Variants in ADGRL2 observed in about 807,000 individuals in gnomAD.
The protein encoded by ADGRL2 is adhesion G protein-coupled receptor L2.
ADGRL2 carries 44 observed loss-of-function variants against 157.4 expected under a neutral mutation model. The ratio of observed to expected loss-of-function variants is 0.28; its 90% confidence interval spans 0.22 to 0.36. ADGRL2 has a LOEUF of 0.36. ADGRL2 is among the 10% of genes least tolerant of loss of function. The probability of loss-of-function intolerance (pLI) is 1.00; values close to 1 mark genes in which losing one functional copy is unlikely to be tolerated. For missense variants in ADGRL2, 1,510 were observed against 1,768.9 expected, an observed-to-expected ratio of 0.85 and a Z score of 2.63; for synonymous variants, 585 against 624.7, an observed-to-expected ratio of 0.94 and a Z score of 0.95.
chr1:81,971,619 G>T (rs775945921), intron 16 of ADGRL2, among the ~76,000 whole-genome samples: 2 of 152,122 alleles, frequency 1.3e-5, no homozygotes, highest in Non-Finnish European at 2.9e-5. Context: ...ATACAAGCAC[G>T]ATTTTGTATG....
chr1:81,903,370 G>A (rs1159201398), intron 2 of ADGRL2, among the ~76,000 whole-genome samples: 1 of 152,044 alleles, frequency 6.6e-6, no homozygotes, highest in East Asian at 1.9e-4. Flanking sequence ...CAGATTGTAT[G>A]AAGACTTATA....
At chr1:81,880,200 C>A (rs2093951041) in intron 2 of ADGRL2, among the ~76,000 whole-genome samples, 1 of 152,092 alleles carries the variant, frequency 6.6e-6, no homozygotes, top group South Asian at 2.1e-4. Context: ...CCTATAAGAG[C>A]CCTTATTGGA....
intron 2 of ADGRL2, among the ~76,000 whole-genome samples, chr1:81,878,298 G>A (rs974405605): frequency 5.3e-5 from 8 of 152,076 alleles, no homozygotes; most frequent in Admixed American, 5.2e-4. Context: ...AGATGTTGAA[G>A]AAATTATATG....
chr1:81,556,243 C>T (rs2080273958), intron 2 of ADGRL2, among the ~76,000 whole-genome samples: 1 of 151,692 alleles, frequency 6.6e-6, no homozygotes, highest in Non-Finnish European at 1.5e-5. Context: ...TTCTACACAC[C>T]ACTGAGGGGT....
chr1:81,478,867 CA>C (rs1168011485), intron 2 of ADGRL2, among the ~76,000 whole-genome samples: 1 of 151,074 alleles, frequency 6.6e-6, no homozygotes, highest in Non-Finnish European at 1.5e-5. Flanking sequence ...TTCAATGGAA[CA>C]AAAAATGAGA....
At chr1:81,806,385 C>T (rs2089155365) in intron 1 of ADGRL2, among the ~76,000 whole-genome samples, 1 of 151,958 alleles carries the variant, frequency 6.6e-6, no homozygotes, top group South Asian at 2.1e-4. Flanking sequence ...TAACACCAGG[C>T]TTCTGGGTGT....
intron 2 of ADGRL2, among the ~76,000 whole-genome samples, chr1:81,466,398 A>C (rs1167414083): frequency 3.9e-5 from 6 of 152,204 alleles, no homozygotes; most frequent in African/African-American, 1.4e-4. Flanking sequence ...GTGGCATTAC[A>C]GCAGGGACAG....
intron 1 of ADGRL2, among the ~76,000 whole-genome samples, chr1:81,313,886 T>C (rs1318394381): frequency 1.3e-5 from 2 of 152,208 alleles, no homozygotes; most frequent in Non-Finnish European, 2.9e-5. Context: ...CATGTATGTG[T>C]TCTCCCAAAA....
chr1:81,984,614 A>G lies in ADGRL2; in HGVS notation c.3314A>G (p.His1105Arg), dbSNP rs1391355702. 1.2e-6 allele frequency: 2 copies of G among 1,611,870 alleles called. No individual in the cohort carries two copies. The highest frequency in any genetic ancestry group is 1.7e-6 in the Non-Finnish European group (2 of 1,178,510). The change falls in exon 20 of 24, where the codon CAC becomes CGC. Residue 1105 changes from histidine to arginine, a missense_variant. By Grantham distance (29) the His-to-Arg change is conservative. This residue lies in a region of ADGRL2 where 497 missense variants were observed against 627.2 expected (regional missense o/e 0.79). Transcript: ENST00000686636. ...VRKEYGKCFR[H>R]SYCCGGLPTE... is the part of the protein sequence containing the mutation. ...AAAGAATATGGCAAGTGCTTCAGAC[A>G]CTCATACTGCTGTGGAGGCCTCCCA...
intron 3 of ADGRL2, among the ~76,000 whole-genome samples, chr1:81,672,589 A>T (rs2148921546): frequency 6.6e-6 from 1 of 152,354 alleles, no homozygotes; most frequent in Non-Finnish European, 1.5e-5. Context: ...AAGCTGTCAT[A>T]AAGGTTATCA....
At chr1:81,391,323 A>C (rs2076551545) in intron 1 of ADGRL2, among the ~76,000 whole-genome samples, 1 of 152,306 alleles carries the variant, frequency 6.6e-6, no homozygotes, top group Admixed American at 6.5e-5. Flanking sequence ...CACTGCAGCA[A>C]GTGCTGGCAT....
intron 2 of ADGRL2, among the ~76,000 whole-genome samples, chr1:81,788,906 C>T (rs1039594518): frequency 1.3e-5 from 2 of 151,996 alleles, no homozygotes; most frequent in African/African-American, 2.4e-5. Flanking sequence ...TTAGTAGAGA[C>T]GAGGTTTCAC....
At chr1:81,359,482 T>C (rs2075936789) in intron 1 of ADGRL2, among the ~76,000 whole-genome samples, 1 of 152,028 alleles carries the variant, frequency 6.6e-6, no homozygotes, top group African/African-American at 2.4e-5. Context: ...CCTTAACAAC[T>C]ACATATAAGT....
At chr1:81,456,397 T>A (rs535203508) in intron 2 of ADGRL2, among the ~76,000 whole-genome samples, 1 of 151,930 alleles carries the variant, frequency 6.6e-6, no homozygotes, top group African/African-American at 2.4e-5. Context: ...TTTTTTAATT[T>A]TTATTATTAT....
At chr1:81,889,640 T>C (rs1029678841) in intron 2 of ADGRL2, among the ~76,000 whole-genome samples, 3 of 152,194 alleles carry the variant, frequency 2.0e-5, no homozygotes, top group Non-Finnish European at 2.9e-5. Context: ...CTAGCTAAGA[T>C]CATTGATGGA....
At chr1:81,629,540 A>C (rs1322714056) in intron 3 of ADGRL2, among the ~76,000 whole-genome samples, 1 of 152,170 alleles carries the variant, frequency 6.6e-6, no homozygotes, top group Non-Finnish European at 1.5e-5. Context: ...TGCATAACAC[A>C]TGGTAAAGTT....
chr1:81,766,176 C>T (rs1051437892), intron 2 of ADGRL2, among the ~76,000 whole-genome samples: 4 of 152,142 alleles, frequency 2.6e-5, no homozygotes, highest in Admixed American at 6.5e-5. Flanking sequence ...ATTACTGCCA[C>T]TACATTATCC....
At chr1:81,851,831 T>C (rs1342996645) in intron 2 of ADGRL2, among the ~76,000 whole-genome samples, 2 of 151,632 alleles carry the variant, frequency 1.3e-5, no homozygotes, top group Non-Finnish European at 3.0e-5. Flanking sequence ...ATTTCTGATT[T>C]ACCATTCTGT....
At chr1:81,798,554 C>A (rs2149444837), upstream of ADGRL2, among the ~76,000 whole-genome samples, 1 of 152,054 alleles carries the variant, frequency 6.6e-6, no homozygotes, top group East Asian at 1.9e-4. Context: ...AGATTTGAAA[C>A]TTCTATGGGG....
Sources: allele counts gnomAD v4.1 joint callset (sites outside exome capture counted in the v4.1 genomes callset), GRCh38; gene constraint gnomAD v4.1.1; regional missense constraint gnomAD v4.1.1; transcripts MANE v1.5; gene names NCBI Gene and HGNC (gene_info 2026-07-23, HGNC 2026-07-21).